The following RNF157 variants were observed in gnomAD, a reference collection of about 807,000 sequenced individuals.
RNF157 encodes ring finger protein 157, also known as E3 ubiquitin ligase RNF157.
Under a neutral mutation model 88.3 loss-of-function variants are expected in RNF157, and 55 were observed. The ratio of observed to expected loss-of-function variants is 0.62; its 90% CI spans 0.50 to 0.78. The LOEUF is 0.78. RNF157 is among the 30% of genes least tolerant of loss of function. The probability of loss-of-function intolerance (pLI) is 0.00; values close to 1 mark genes in which losing one functional copy is unlikely to be tolerated. For synonymous variants in RNF157, 334 were observed against 341.2 expected, an observed-to-expected ratio of 0.98 and a Z score of 0.23; for missense variants, 788 against 860.8, an observed-to-expected ratio of 0.92 and a Z score of 1.06.
intron 1 of RNF157, among the ~76,000 whole-genome samples, chr17:76,232,296 G>C (rs373939999): frequency 1.3e-5 from 2 of 152,066 alleles, no homozygotes; most frequent in Non-Finnish European, 2.9e-5. Flanking sequence ...GCTGAGGCTG[G>C]AGGAGTGCCT....
chr17:76,196,142 C>T (rs570899682), intron 2 of RNF157, among the ~76,000 whole-genome samples: 4 of 152,300 alleles, frequency 2.6e-5, no homozygotes, highest in South Asian at 2.1e-4. Context: ...GTAACACTGC[C>T]GCCTCAATAA....
chr17:76,167,566 T>G, intron 4 of RNF157, 85 bp downstream of exon 4: 2 of 1,577,162 alleles, frequency 1.3e-6, no homozygotes, highest in Non-Finnish European at 1.7e-6. Context: ...TCTCCTGATC[T>G]TACCTGGTAA....
At chr17:76,175,208 G>A (rs2069085339) in intron 2 of RNF157, among the ~76,000 whole-genome samples, 1 of 152,026 alleles carries the variant, frequency 6.6e-6, no homozygotes, top group South Asian at 2.1e-4. Context: ...TGATAACATT[G>A]CAGATAATAG....
At chr17:76,198,475 A>G (rs2069514753) in intron 2 of RNF157, among the ~76,000 whole-genome samples, 2 of 152,194 alleles carry the variant, frequency 1.3e-5, no homozygotes, top group African/African-American at 4.8e-5. Context: ...CTGCACATAA[A>G]GTGGGAAAAT....
chr17:76,159,387 G>A lies in RNF157; in HGVS notation c.1252C>T (p.Arg418Cys), dbSNP rs761928768. ...PPVRTISPLD[R>C]LSDSSSQGLK... ...CCCTGACTGCTGCTGTCAGACAGGCGGTCAAGAGGCGAGATCGTCCTGACG... is the reference window on the plus strand; with the variant it reads ...CCCTGACTGCTGCTGTCAGACAGGCAGTCAAGAGGCGAGATCGTCCTGACG... The change falls in exon 12 of 19, where the codon CGC becomes TGC. Residue 418 changes from arginine to cysteine, a missense_variant. Transcript: ENST00000269391. 6.2e-6 allele frequency: 10 copies of A among 1,613,258 alleles called. No homozygotes were observed. The highest frequency in any genetic ancestry group is 5.5e-5 in the South Asian group (5 of 90,776).
chr17:76,148,236 C>G (rs2068614908), intron 18 of RNF157, among the ~76,000 whole-genome samples: 1 of 146,854 alleles, frequency 6.8e-6, no homozygotes, highest in South Asian at 2.2e-4. Flanking sequence ...GGTATTTCCA[C>G]TAAAAAGATC....
At chr17:76,234,516 T>C (rs2070248918) in intron 1 of RNF157, among the ~76,000 whole-genome samples, 1 of 152,216 alleles carries the variant, frequency 6.6e-6, no homozygotes, top group Non-Finnish European at 1.5e-5. Flanking sequence ...TCTCTCCATA[T>C]CCTTACCAGT....
Position 76,167,710 on chromosome 17 carries a change from A to G in RNF157, c.384T>C (p.Ala128=), listed in dbSNP as rs762941881. ...GGTAATAGATGGTGATGGCTACCCG[A>G]GCATCTGTGTCAAAGGTGAACTCAA... The part of the protein sequence containing the change: ...YNVEFTFDTD[A]RVAITIYYQA... Residue 128 remains alanine, a synonymous_variant, in exon 4 of 19, where the codon GCT becomes GCC. Coordinates refer to ENST00000269391, the MANE Select transcript of RNF157 (RefSeq NM_052916.3). 13 of 1,614,198 alleles carry G rather than the reference A, an allele frequency of 8.1e-6. No individual in the cohort carries two copies. The highest frequency in any genetic ancestry group is 1.1e-5 in the Non-Finnish European group (13 of 1,180,040).
rs1311827950 is a variant in RNF157 at position 76,145,121 on chromosome 17, C to T, written c.*114G>A. ...TGTGGTTACAGGTTGTAACAGCTGT[C>T]ACAGGAGGGTAAAAAGTCTCCAGCA... On this transcript the variant is annotated 3_prime_UTR_variant, in exon 19 of 19. Coordinates refer to ENST00000269391, the MANE Select transcript of RNF157 (RefSeq NM_052916.3). 8 of 657,076 alleles carry T rather than the reference C, an allele frequency of 1.2e-5. No homozygotes were observed. Among genetic ancestry groups the T allele is most frequent in the Non-Finnish European group, 2.1e-5 (8 of 372,590 alleles). 40.7% of individuals were successfully genotyped at this position (657,076 alleles called of 1,614,324 possible).
At chr17:76,224,484 A>G (rs189928618) in intron 1 of RNF157, among the ~76,000 whole-genome samples, 7 of 152,284 alleles carry the variant, frequency 4.6e-5, no homozygotes, top group Non-Finnish European at 5.9e-5. Context: ...TGACATTTCA[A>G]TAACAATAAG....
chr17:76,213,461 T>C lies in RNF157; in HGVS notation c.89-979A>G, dbSNP rs1239936211. Among the ~76,000 whole-genome samples, 8 of 151,596 alleles carry C rather than the reference T, an allele frequency of 5.3e-5. No homozygotes were observed. The East Asian group carries it at 1.6e-3, about 29-fold the overall frequency. ...GGCATGCGCCTGAAGTCCCAGGTAC[T>C]TGGGAGGCTGAGGCAGGAGAATCTC... On this transcript the variant is annotated intron_variant, in intron 1 of 18. Transcript: ENST00000269391.
chr17:76,205,493 G>C (rs925174705), intron 2 of RNF157, among the ~76,000 whole-genome samples: 1 of 152,142 alleles, frequency 6.6e-6, no homozygotes, highest in South Asian at 2.1e-4. Flanking sequence ...TTGGGAGGCT[G>C]AGATGGGTAG....
At position 76,159,411 on chromosome 17, in the gene RNF157, CG is replaced by C; in HGVS notation, c.1227del (p.Val410SerfsTer66). On this transcript the variant is annotated frameshift_variant, in exon 12 of 19. Transcript: ENST00000269391. LOFTEE classifies it high-confidence loss of function. Reference sequence around the variant, plus strand: ...CGGTCAAGAGGCGAGATCGTCCTGACGGGGGGCAGGTGGCCATCACTGCCAT... The same window carrying C: ...CGGTCAAGAGGCGAGATCGTCCTGACGGGGGCAGGTGGCCATCACTGCCAT... The part of the protein sequence containing the change: ...PSYGSDGHLP[P>X]VRTISPLDRL... 6.2e-7 allele frequency: 1 copy of C among 1,613,066 alleles called. No homozygotes were observed. Among genetic ancestry groups the C allele is most frequent in the Admixed American group, 1.7e-5 (1 of 59,802 alleles).
intron 2 of RNF157, among the ~76,000 whole-genome samples, chr17:76,180,149 A>G (rs577647606): frequency 3.9e-5 from 6 of 152,364 alleles, no homozygotes; most frequent in African/African-American, 1.4e-4. Context: ...ATGGATTTAT[A>G]GAATGGCTTC....
rs532917319 is a variant in RNF157 at position 76,160,565 on chromosome 17, G to A, written c.1065+970C>T. 2.0e-5 allele frequency among the ~76,000 whole-genome samples: 3 copies of A among 152,220 alleles called. No individual in the cohort carries two copies. The East Asian group carries it at 5.8e-4, about 29-fold the overall frequency. On this transcript the variant is annotated intron_variant, in intron 11 of 18. Coordinates refer to ENST00000269391, the MANE Select transcript of RNF157 (RefSeq NM_052916.3). The surrounding 1 kb of genome is among the most constrained non-coding windows in gnomAD (Gnocchi z 4.3). ...GGTTGAACTTTTTAAAAAATTCTAT[G>A]TTGAGTGTGTTTTGTTTATGCCCTT...
At position 76,192,274 on chromosome 17, in the gene RNF157, T is replaced by C. The variant is rs576012137; in HGVS notation, c.208-18484A>G. On this transcript the variant is annotated intron_variant, in intron 2 of 18. Transcript: ENST00000269391. ...ACGAAGCAAAAGTTCAAGCACTTAG[T>C]GGCACTTTTCGAGTCAGCAACATTT... is the stretch of plus-strand genomic sequence containing the variant. 3.3e-5 allele frequency among the ~76,000 whole-genome samples: 5 copies of C among 152,332 alleles called. No individual in the cohort carries two copies. In the South Asian group the frequency reaches 1.0e-3, roughly 32 times the overall value.
chr17:76,224,666 T>C (rs1189922756), intron 1 of RNF157, among the ~76,000 whole-genome samples: 1 of 151,666 alleles, frequency 6.6e-6, no homozygotes, highest in Non-Finnish European at 1.5e-5. Flanking sequence ...AAAAGAAGAA[T>C]GGTCTTACGC....
chr17:76,162,174 C>T (rs765457771), intron 9 of RNF157, 172 bp from the exon 10 acceptor site: 23 of 665,136 alleles, frequency 3.5e-5, no homozygotes, highest in Non-Finnish European at 4.3e-5. Flanking sequence ...AGCTTCACTT[C>T]TTCTGGGAAG....
Position 76,145,348 on chromosome 17 carries a change from A to G in RNF157, c.1927T>C (p.Trp643Arg). ...CTGACGGCATTGTCATCAGCCTGCC[A>G]GGCACCTGGGGAAGAGAAAATGAAC... ...LCSEVCLPGA[W>R]QADDNAVSRN... Residue 643 changes from tryptophan (W) to arginine (R), a missense_variant, in exon 19 of 19, where the codon TGG (tryptophan) becomes CGG (arginine). Transcript: ENST00000269391. 1 of 1,611,656 alleles carries G rather than the reference A, an allele frequency of 6.2e-7. No individual in the cohort carries two copies. Among genetic ancestry groups the G allele is most frequent in the Non-Finnish European group, 8.5e-7 (1 of 1,178,640 alleles).
Sources: allele counts gnomAD v4.1 joint callset (sites outside exome capture counted in the v4.1 genomes callset), GRCh38; gene constraint gnomAD v4.1.1; non-coding constraint Gnocchi (gnomAD v3.1); transcripts MANE v1.5; gene names NCBI Gene and HGNC (gene_info 2026-07-23, HGNC 2026-07-21).